The following MPPED2 variants were observed in gnomAD, a reference collection of about 807,000 sequenced individuals.
The protein encoded by MPPED2 is metallophosphoesterase MPPED2.
A neutral mutation model predicts 33.0 loss-of-function variants in MPPED2; 5 were observed. That is an observed-to-expected ratio of 0.15 (90% CI 0.08 to 0.32). The LOEUF (loss-of-function observed/expected upper bound fraction) is 0.32. Ranked by LOEUF, MPPED2 falls within the 10% of genes least tolerant of loss-of-function variation. MPPED2 has a pLI of 1.00. For missense variants in MPPED2, 275 were observed against 372.1 expected, an observed-to-expected ratio of 0.74 and a Z score of 2.15; for synonymous variants, 136 against 141.9, an observed-to-expected ratio of 0.96 and a Z score of 0.29.
intron 4 of MPPED2, among the ~76,000 whole-genome samples, chr11:30,450,159 C>T (rs1466472830): frequency 1.3e-5 from 2 of 152,198 alleles, no homozygotes; most frequent in Non-Finnish European, 2.9e-5. Context: ...TTTCCCCCTT[C>T]TTTATTCCCC....
intron 4 of MPPED2, among the ~76,000 whole-genome samples, chr11:30,493,173 G>A (rs1175814720): frequency 6.6e-6 from 1 of 152,014 alleles, no homozygotes; most frequent in African/African-American, 2.4e-5. Flanking sequence ...CACGAGGTCA[G>A]GAGATCGAGA....
At chr11:30,388,754 G>T in exon 7 of MPPED2, 21 of 1,211,392 alleles carry the variant, frequency 1.7e-5, no homozygotes, top group Admixed American at 3.2e-5. Flanking sequence ...TGCCTTCTTT[G>T]TCTTCACCAA....
At chr11:30,482,569 C>T (rs957060453) in intron 4 of MPPED2, among the ~76,000 whole-genome samples, 4 of 152,116 alleles carry the variant, frequency 2.6e-5, no homozygotes, top group African/African-American at 7.2e-5. Flanking sequence ...ATTTCCCTTT[C>T]ATTGTTTTTT....
intron 2 of MPPED2, among the ~76,000 whole-genome samples, chr11:30,548,171 T>G (rs1332057199): frequency 1.3e-5 from 2 of 152,112 alleles, no homozygotes; most frequent in Non-Finnish European, 2.9e-5. Flanking sequence ...ATAATAATAG[T>G]ACTTGCCTCA....
At position 30,546,966 on chromosome 11, in the gene MPPED2, T is replaced by A. The variant is rs117967472; in HGVS notation, c.129-10791A>T. Reference sequence around the variant, plus strand: ...TTTTTAGCCACAAAACTCACATAGTTCCCACTCAACCAAAGAACTCATGAA... The same window carrying A: ...TTTTTAGCCACAAAACTCACATAGTACCCACTCAACCAAAGAACTCATGAA... On this transcript the variant is annotated intron_variant, in intron 2 of 6. Coordinates refer to ENST00000358117, the MANE Select transcript of MPPED2 (RefSeq NM_001584.3). Among the ~76,000 whole-genome samples the A allele has an allele frequency of 5.7e-3, 865 of 152,298 alleles. 6 individuals carry two copies. Among genetic ancestry groups the A allele is most frequent in the Non-Finnish European group, 0.01 (703 of 68,024 alleles).
intron 2 of MPPED2, among the ~76,000 whole-genome samples, chr11:30,555,910 C>T (rs1216579234): frequency 6.6e-6 from 1 of 152,078 alleles, no homozygotes; most frequent in African/African-American, 2.4e-5. Flanking sequence ...TTAATACTCC[C>T]ATACTGACAT....
intron 3 of MPPED2, among the ~76,000 whole-genome samples, chr11:30,512,115 G>A (rs538257345): frequency 2.6e-5 from 4 of 152,242 alleles, no homozygotes; most frequent in African/African-American, 4.8e-5. Flanking sequence ...CACCAAATAG[G>A]CAGTAGTAAC....
chr11:30,441,923 C>A (rs118118507), intron 4 of MPPED2, among the ~76,000 whole-genome samples: 2 of 152,272 alleles, frequency 1.3e-5, no homozygotes, highest in East Asian at 1.9e-4. Flanking sequence ...AAGTTCCATG[C>A]GGCAGAACCC....
chr11:30,469,459 C>T (rs947249912), intron 4 of MPPED2, among the ~76,000 whole-genome samples: 7 of 152,166 alleles, frequency 4.6e-5, no homozygotes, highest in African/African-American at 1.7e-4. Context: ...TACTGTTACT[C>T]CTTTTTATAG....
chr11:30,497,720 T>C (rs1344324903), intron 3 of MPPED2, among the ~76,000 whole-genome samples: 1 of 152,182 alleles, frequency 6.6e-6, no homozygotes, highest in Non-Finnish European at 1.5e-5. Context: ...TTTCTTTCTT[T>C]CTTTTTAGTA....
chr11:30,495,420 A>G lies in MPPED2; in HGVS notation c.412T>C (p.Phe138Leu). 6.2e-7 allele frequency: 1 copy of G among 1,614,076 alleles called. No homozygotes were observed. The highest frequency in any genetic ancestry group is 8.5e-7 in the Non-Finnish European group (1 of 1,179,918). The change falls in exon 4 of 7, where the codon TTC becomes CTC. Residue 138 changes from phenylalanine (F) to leucine (L), a missense_variant. Transcript: ENST00000358117. The stretch of plus-strand genomic sequence containing the variant: ...GGTTTCAATTTGGACACAGAGGGGA[A>G]ACGGTAGTAGTCCTGTTTAACAAGG... ...ADLVKQDYYR[F>L]PSVSKLKPED...
chr11:30,494,677 G>A (rs1952152820), intron 4 of MPPED2, among the ~76,000 whole-genome samples: 1 of 130,732 alleles, frequency 7.6e-6, no homozygotes, highest in African/African-American at 2.9e-5. Flanking sequence ...GGCGGAGGTT[G>A]CAGTGAGCTG....
At chr11:30,563,739 T>G (rs1012234933) in intron 2 of MPPED2, among the ~76,000 whole-genome samples, 2 of 152,212 alleles carry the variant, frequency 1.3e-5, no homozygotes, top group African/African-American at 4.8e-5. Context: ...GAAGACTGTT[T>G]ATTGATTTGT....
At chr11:30,501,020 T>A (rs7944969) in intron 3 of MPPED2, among the ~76,000 whole-genome samples, 8,263 of 152,246 alleles carry the variant, frequency 0.054, 737 homozygotes, top group African/African-American at 0.19. Flanking sequence ...AATCTCCAAC[T>A]CTTTTTAAAC....
Position 30,417,632 on chromosome 11 carries a change from T to C in MPPED2, c.538A>G (p.Thr180Ala), listed in dbSNP as rs1948431430. The C allele has an allele frequency of 6.3e-7, 1 of 1,594,468 alleles. No individual in the cohort carries two copies. Among genetic ancestry groups the C allele is most frequent in the Non-Finnish European group, 8.6e-7 (1 of 1,162,776 alleles). Residue 180 changes from threonine (T) to alanine (A), a missense_variant and splice_region_variant, in exon 5 of 7, where the codon ACC becomes GCC. Coordinates refer to ENST00000358117, the MANE Select transcript of MPPED2 (RefSeq NM_001584.3). ...AAGCCCCATCCATTAAACCACGGGGTCCTTTGGGGGAGATAATGCACATGG... is the reference window on the plus strand; with the variant it reads ...AAGCCCCATCCATTAAACCACGGGGCCCTTTGGGGGAGATAATGCACATGG... Reference protein sequence around the residue: ...KGFRIYGAPWTPWFNGWGFNL... With the variant: ...KGFRIYGAPWAPWFNGWGFNL...
Position 30,411,407 on chromosome 11 carries a change from A to G in MPPED2, c.*61T>C. The G allele has an allele frequency of 2.6e-6, 4 of 1,537,736 alleles. No individual in the cohort carries two copies. The South Asian group carries it at 5.2e-5, about 20-fold the overall frequency. The stretch of plus-strand genomic sequence containing the variant: ...TAAATAAGTAAGAGAATGTAAGTTT[A>G]TAATTAGAAAAATGGCAGTTTATAG... On this transcript the variant is annotated 3_prime_UTR_variant, in exon 7 of 7. Transcript: ENST00000358117.
At chr11:30,551,840 T>C (rs1955728715) in intron 2 of MPPED2, among the ~76,000 whole-genome samples, 1 of 152,186 alleles carries the variant, frequency 6.6e-6, no homozygotes, top group Non-Finnish European at 1.5e-5. Context: ...ACATCTGTGT[T>C]AGGGGTAAAA....
At position 30,419,811 on chromosome 11, in the gene MPPED2, C is replaced by A. The variant is rs556376262; in HGVS notation, c.537-2178G>T. ...GCTATTTTATCTGTCCTATAGATAG[C>A]CCCTGCTTGAGAAACCACCACAAAG... On this transcript the variant is annotated intron_variant, in intron 4 of 6. Transcript: ENST00000358117. Among the ~76,000 whole-genome samples the A allele has an allele frequency of 2.6e-5, 4 of 152,200 alleles. No individual in the cohort carries two copies. In the East Asian group the frequency reaches 7.7e-4, roughly 29 times the overall value.
At chr11:30,554,904 G>A (rs1294446601) in intron 2 of MPPED2, among the ~76,000 whole-genome samples, 5 of 152,106 alleles carry the variant, frequency 3.3e-5, no homozygotes, top group Non-Finnish European at 5.9e-5. Flanking sequence ...TGCTCATTGT[G>A]ATTTCTTGTC....
Sources: gnomAD v4.1 joint callset for allele counts (sites outside exome capture counted in the v4.1 genomes callset) on GRCh38, gnomAD v4.1.1 for gene constraint, MANE v1.5 for transcripts, NCBI Gene and HGNC (gene_info 2026-07-23, HGNC 2026-07-21) for gene names.